Variants in SLC6A5 observed in about 807,000 individuals in gnomAD.
SLC6A5 encodes sodium- and chloride-dependent glycine transporter 2.
In SLC6A5, 58 loss-of-function variants were observed where a neutral mutation model predicts 90.5. The ratio of observed to expected loss-of-function variants is 0.64; its 90% CI spans 0.52 to 0.80. The LOEUF (loss-of-function observed/expected upper bound fraction) is 0.80, where lower values mean the gene tolerates loss of function less well. Ranked by LOEUF, SLC6A5 falls within the 30% of genes least tolerant of loss-of-function variation. The pLI is 0.00. For synonymous variants in SLC6A5, 427 were observed against 401.4 expected (o/e 1.06, Z -0.76); for missense variants, 1,015 against 1,017.6 (o/e 1.00, Z 0.03).
intron 3 of SLC6A5, among the ~76,000 whole-genome samples, chr11:20,604,740 CA>C (rs1461920032): frequency 6.6e-6 from 1 of 152,146 alleles, no homozygotes; most frequent in Non-Finnish European, 1.5e-5. Context: ...GTCAAGTGTT[CA>C]GAGAGCGGCG....
rs142792084 is a variant in SLC6A5, at chr11:20,604,324, C to A, written c.579C>A (p.Asn193Lys). 5.0e-6 allele frequency: 8 copies of A among 1,613,712 alleles called. No individual in the cohort carries two copies. The highest frequency in any genetic ancestry group is 4.5e-5 in the East Asian group (2 of 44,860). Residue 193 changes from asparagine (N) to lysine (K), a missense_variant, in exon 3 of 16, where the codon AAC becomes AAA. Coordinates refer to ENST00000525748, the MANE Select transcript of SLC6A5 (RefSeq NM_004211.5). ...GGGATGAGAATAAGGCCCGAGGGAA[C>A]TGGTCCAGCAAACTGGACTTCATCC... ...EQGDENKARG[N>K]WSSKLDFILS...
intron 7 of SLC6A5, among the ~76,000 whole-genome samples, chr11:20,618,945 GACACACACACACACACACAC>G (rs68111718): frequency 6.7e-6 from 1 of 148,662 alleles, no homozygotes; most frequent in East Asian, 2.0e-4. Flanking sequence ...TGTCCCGCCC[GACACACACACACACACACAC>G]ACACACACAC....
chr11:20,607,129 G>T lies in SLC6A5; in HGVS notation c.802G>T (p.Ala268Ser). The change falls in exon 4 of 16, where the codon GCT becomes TCT. Residue 268 changes from alanine to serine, a missense_variant. Physicochemically the swap from Ala to Ser is moderately conservative, Grantham distance 99. Transcript: ENST00000525748. ...GPVSVWKAIP[A>S]LQGCGIAMLI... is the part of the protein sequence containing the mutation. ...AGTGTCTGTGTGGAAGGCCATCCCA[G>T]CTCTACAAGGTGAGTCCAGCCTGCC... 1 of 1,613,648 alleles carries T rather than the reference G, an allele frequency of 6.2e-7. No individual in the cohort carries two copies. Among genetic ancestry groups the T allele is most frequent in the Non-Finnish European group, 8.5e-7 (1 of 1,179,842 alleles).
chr11:20,634,108 G>T (rs1294401051), intron 10 of SLC6A5, among the ~76,000 whole-genome samples: 1 of 152,178 alleles, frequency 6.6e-6, no homozygotes, highest in Non-Finnish European at 1.5e-5. Context: ...CTCACCTTGT[G>T]ATCTGCCCAC....
intron 9 of SLC6A5, among the ~76,000 whole-genome samples, chr11:20,628,674 A>G (rs958815567): frequency 3.3e-5 from 5 of 152,212 alleles, no homozygotes; most frequent in Admixed American, 6.5e-5. Flanking sequence ...GTAACAGACT[A>G]TGGTATTTAA....
rs993461437 is a variant in SLC6A5, at chr11:20,659,037, T to C, written c.*4169T>C. ...AACTATACATGAAGAAAATATATTA[T>C]GTTACAAATGATGCATCATATATAT... is the stretch of plus-strand genomic sequence containing the variant. On this transcript the variant is annotated 3_prime_UTR_variant, in exon 16 of 16. Coordinates refer to ENST00000525748, the MANE Select transcript of SLC6A5 (RefSeq NM_004211.5). 3 of 131,936 alleles carry C rather than the reference T, an allele frequency of 2.3e-5. No individual in the cohort carries two copies. The highest frequency in any genetic ancestry group is 4.7e-5 in the Non-Finnish European group (3 of 64,290). The allele number at this position is 131,936 out of a possible 1,614,324, so 8.2% of individuals were successfully genotyped here.
chr11:20,624,167 T>A (rs908557816), intron 7 of SLC6A5, among the ~76,000 whole-genome samples: 10 of 150,264 alleles, frequency 6.7e-5, no homozygotes, highest in African/African-American at 9.8e-5. Flanking sequence ...ATATATATTT[T>A]TTTTGAGACA....
At chr11:20,626,633 C>A in intron 7 of SLC6A5, 75 bp from the exon 8 acceptor site, 1 of 1,531,320 alleles carries the variant, frequency 6.5e-7, no homozygotes, top group Admixed American at 1.7e-5. Flanking sequence ...CACTCTTCCC[C>A]GAGCAATGCT....
Position 20,656,480 on chromosome 11 carries a change from A to G in SLC6A5, c.*1612A>G, listed in dbSNP as rs1043733040. On this transcript the variant is annotated 3_prime_UTR_variant, in exon 16 of 16. Transcript: ENST00000525748. ...GACATTTTCATCCTGTTTAACAGCA[A>G]TGAAACCCAACAACAGGCTTTAATG... 3.3e-5 allele frequency: 5 copies of G among 152,172 alleles called. No homozygotes were observed. Among genetic ancestry groups the G allele is most frequent in the Non-Finnish European group, 7.3e-5 (5 of 68,032 alleles). The allele number at this position is 152,172 out of a possible 1,614,324, so 9.4% of individuals were successfully genotyped here.
At chr11:20,625,940 G>C (rs1852985456) in intron 7 of SLC6A5, among the ~76,000 whole-genome samples, 1 of 152,210 alleles carries the variant, frequency 6.6e-6, no homozygotes. Context: ...GTGTCTTCTA[G>C]GTTAGGAGTC....
At chr11:20,622,152 C>A (rs1852903828) in intron 7 of SLC6A5, among the ~76,000 whole-genome samples, 1 of 152,182 alleles carries the variant, frequency 6.6e-6, no homozygotes, top group Admixed American at 6.5e-5. Context: ...AATGTGGAAA[C>A]AGGTGCATTC....
chr11:20,653,185 C>T (rs11025678), intron 15 of SLC6A5, among the ~76,000 whole-genome samples: 31,150 of 152,090 alleles, frequency 0.2, 4,050 homozygotes, highest in Non-Finnish European at 0.29. Context: ...TCAGCCCTGC[C>T]TCGGTCTTGA....
chr11:20,635,414 C>T lies in SLC6A5; in HGVS notation c.1625-893C>T, dbSNP rs1171067112. 2.6e-5 allele frequency among the ~76,000 whole-genome samples: 4 copies of T among 152,128 alleles called. 1 individual carries two copies. The highest frequency in any genetic ancestry group is 4.8e-5 in the African/African-American group (2 of 41,408). ...GTTTCATGCGCCGCCCCCCCGCAAC[C>T]CGACTAACTACTAGGACTGATGTAG... On this transcript the variant is annotated intron_variant, in intron 10 of 15. Coordinates refer to ENST00000525748, the MANE Select transcript of SLC6A5 (RefSeq NM_004211.5).
At chr11:20,644,938 A>G (rs11600795) in intron 13 of SLC6A5, among the ~76,000 whole-genome samples, 46,688 of 151,698 alleles carry the variant, frequency 0.31, 7,456 homozygotes, top group Non-Finnish European at 0.37. Context: ...CGGGCTCCCA[A>G]GTAGCTGGGA....
At chr11:20,632,985 G>A (rs1853135698) in intron 10 of SLC6A5, among the ~76,000 whole-genome samples, 1 of 152,124 alleles carries the variant, frequency 6.6e-6, no homozygotes, top group Non-Finnish European at 1.5e-5. Flanking sequence ...GAGGGGCTGA[G>A]GATGGGATTG....
intron 6 of SLC6A5, among the ~76,000 whole-genome samples, chr11:20,617,055 G>C (rs1191203415): frequency 6.6e-6 from 1 of 152,202 alleles, no homozygotes; most frequent in Non-Finnish European, 1.5e-5. Context: ...CTCAGGGGTG[G>C]GGCTGCCCTG....
chr11:20,646,918 C>A lies in SLC6A5; in HGVS notation c.2054C>A (p.Thr685Asn), dbSNP rs1193897774. The A allele has an allele frequency of 7.5e-6, 12 of 1,610,614 alleles. No individual in the cohort carries two copies. The highest frequency in any genetic ancestry group is 1.0e-5 in the Non-Finnish European group (12 of 1,176,982). Residue 685 changes from threonine (T) to asparagine (N), a missense_variant, in exon 14 of 16, where the codon ACC becomes AAC. By Grantham distance (65) the Thr-to-Asn change is moderately conservative. Around this residue, in one of 3 missense-constraint regions of SLC6A5, gnomAD observed 442 missense variants for 494.3 expected, o/e 0.89. Coordinates refer to ENST00000525748, the MANE Select transcript of SLC6A5 (RefSeq NM_004211.5). ...IFWKVCWAFV[T>N]PTILTFILCF... ...TGGAAAGTCTGCTGGGCATTTGTAA[C>A]CCCAACCATTTTAACCGTAAGGATT...
In SLC6A5 at chr11:20,656,381, T is replaced by C. The variant is rs996123957; in HGVS notation, c.*1513T>C. 6.6e-6 allele frequency: 1 copy of C among 152,236 alleles called. No individual in the cohort carries two copies. The highest frequency in any genetic ancestry group is 1.5e-5 in the Non-Finnish European group (1 of 68,046). 9.4% of individuals were successfully genotyped at this position (152,236 alleles called of 1,614,324 possible). ...TTTCCTTTAGGGGAGATCATTTCAA[T>C]CATTTTCTTCATTTATCTTCATAGT... On this transcript the variant is annotated 3_prime_UTR_variant, in exon 16 of 16. Coordinates refer to ENST00000525748, the MANE Select transcript of SLC6A5 (RefSeq NM_004211.5).
At chr11:20,620,953 C>T (rs534913349) in intron 7 of SLC6A5, among the ~76,000 whole-genome samples, 1 of 152,052 alleles carries the variant, frequency 6.6e-6, no homozygotes, top group Non-Finnish European at 1.5e-5. Context: ...GAGCCCACCA[C>T]CACGCCCAGC....
Sources: gnomAD v4.1 joint callset for allele counts (sites outside exome capture counted in the v4.1 genomes callset) on GRCh38, gnomAD v4.1.1 for gene constraint, gnomAD v4.1.1 regional missense constraint, MANE v1.5 for transcripts, NCBI Gene and HGNC (gene_info 2026-07-23, HGNC 2026-07-21) for gene names.